The following OTOGL variants were observed in gnomAD, a reference collection of about 807,000 sequenced individuals.
OTOGL encodes the protein otogelin like, also known as otogelin-like protein.
A neutral mutation model predicts 318.5 loss-of-function variants in OTOGL; 285 were observed. That is an observed-to-expected ratio of 0.89 (90% CI 0.81 to 0.99). The LOEUF (loss-of-function observed/expected upper bound fraction) is 0.99, where lower values mean the gene tolerates loss of function less well. Among genes scored for constraint, OTOGL ranks in the 50% least tolerant of loss-of-function variants. OTOGL has a pLI of 0.00. For synonymous variants in OTOGL, 987 were observed against 936.5 expected, an observed-to-expected ratio of 1.05 and a Z score of -0.99; for missense variants, 2,899 against 2,845.6, an observed-to-expected ratio of 1.02 and a Z score of -0.43.
intron 30 of OTOGL, among the ~76,000 whole-genome samples, chr12:80,311,708 A>T (rs551105072): frequency 6.6e-6 from 1 of 152,202 alleles, no homozygotes; most frequent in Non-Finnish European, 1.5e-5. Context: ...CGCCCGGCAG[A>T]TATTTTATTA....
At chr12:80,239,669 C>T (rs1025332007) in intron 11 of OTOGL, among the ~76,000 whole-genome samples, 1 of 152,034 alleles carries the variant, frequency 6.6e-6, no homozygotes, top group South Asian at 2.1e-4. Context: ...TAATTTAATA[C>T]ATTCGTGTAA....
chr12:80,236,960 G>A (rs986519384), intron 9 of OTOGL, among the ~76,000 whole-genome samples: 3 of 151,556 alleles, frequency 2.0e-5, no homozygotes, highest in Admixed American at 6.6e-5. Context: ...GATTACAGGC[G>A]TGCACCACCA....
At chr12:80,101,668 G>A (rs1184651896) in intron 1 of OTOGL, among the ~76,000 whole-genome samples, 2 of 151,946 alleles carry the variant, frequency 1.3e-5, no homozygotes, top group African/African-American at 4.8e-5. Flanking sequence ...CACAGTAAGT[G>A]TAAAAGCAGT....
chr12:80,162,611 G>A (rs886300535), intron 1 of OTOGL, among the ~76,000 whole-genome samples: 21 of 152,036 alleles, frequency 1.4e-4, no homozygotes, highest in African/African-American at 4.8e-4. Context: ...TGCTTGGCTT[G>A]TAGATGGCCG....
intron 47 of OTOGL, chr12:80,356,205 G>A (rs1889888785): frequency 3.3e-6 from 2 of 609,142 alleles, no homozygotes; most frequent in Non-Finnish European, 2.9e-6. Flanking sequence ...AAGGGTGAAA[G>A]ACAATAATAG....
chr12:80,371,888 C>T (rs1890894040), intron 56 of OTOGL, 131 bp from the exon 57 acceptor site: 3 of 427,318 alleles, frequency 7.0e-6, no homozygotes, highest in African/African-American at 2.3e-5. Flanking sequence ...TAGTTAAATT[C>T]CAACTATTTT....
intron 9 of OTOGL, among the ~76,000 whole-genome samples, chr12:80,233,672 G>A (rs943260470): frequency 6.6e-6 from 1 of 152,116 alleles, no homozygotes; most frequent in African/African-American, 2.4e-5. Flanking sequence ...TAAGAAATAG[G>A]TTTTGTATCA....
chr12:80,285,732 G>A (rs1406679747), intron 26 of OTOGL, among the ~76,000 whole-genome samples: 6 of 152,162 alleles, frequency 3.9e-5, no homozygotes, highest in Non-Finnish European at 8.8e-5. Context: ...TGCATCCTGA[G>A]ACTTTGCTGA....
chr12:80,166,742 A>G (rs1314838078), intron 1 of OTOGL, among the ~76,000 whole-genome samples: 1 of 152,194 alleles, frequency 6.6e-6, no homozygotes, highest in Non-Finnish European at 1.5e-5. Flanking sequence ...GTTCATATAT[A>G]ATAGCAGATA....
intron 1 of OTOGL, chr12:80,208,256 A>T (rs376656203): frequency 4.5e-5 from 23 of 514,356 alleles, no homozygotes; most frequent in South Asian, 2.0e-4. Context: ...TTGGATTTGG[A>T]ACACAAACAG....
chr12:80,182,782 G>A (rs968872277), intron 1 of OTOGL, among the ~76,000 whole-genome samples: 4 of 152,202 alleles, frequency 2.6e-5, no homozygotes, highest in Non-Finnish European at 5.9e-5. Context: ...GAAGCATAGG[G>A]AGTACACATC....
chr12:80,273,859 AT>A (rs1883595531), intron 24 of OTOGL, among the ~76,000 whole-genome samples: 1 of 151,972 alleles, frequency 6.6e-6, no homozygotes, highest in South Asian at 2.1e-4. Flanking sequence ...GAACTTTTTC[AT>A]TATCATTATA....
chr12:80,278,301 A>G, intron 25 of OTOGL, 26 bp downstream of exon 25: 1 of 1,433,586 alleles, frequency 7.0e-7, no homozygotes. Context: ...TATTTCACAA[A>G]TATTTTCCTA....
At chr12:80,261,655 C>T (rs1196220579) in intron 18 of OTOGL, among the ~76,000 whole-genome samples, 1 of 152,014 alleles carries the variant, frequency 6.6e-6, no homozygotes, top group African/African-American at 2.4e-5. Flanking sequence ...TGATACTTAG[C>T]AGCTTAGTGT....
In OTOGL at chr12:80,232,979, G is replaced by A. The variant is rs750299543; in HGVS notation, c.699G>A (p.Leu233=). The change falls in exon 9 of 59, where the codon TTG becomes TTA. Residue 233 remains leucine, a synonymous_variant. Coordinates refer to ENST00000547103, the MANE Select transcript of OTOGL (RefSeq NM_001378609.3). ...TGAAAACAACCTTTGGCTTTTCATTGGCTTGGGACGGGATATCTGGGATCT... is the reference window on the plus strand; with the variant it reads ...TGAAAACAACCTTTGGCTTTTCATTAGCTTGGGACGGGATATCTGGGATCT... The part of the protein sequence containing the change: ...ILVKTTFGFS[L]AWDGISGIYL... The A allele has an allele frequency of 1.3e-6, 2 of 1,598,800 alleles. No individual in the cohort carries two copies. Among genetic ancestry groups the A allele is most frequent in the Non-Finnish European group, 1.7e-6 (2 of 1,179,206 alleles).
intron 20 of OTOGL, 38 bp from the exon 21 acceptor site, chr12:80,266,413 A>T (rs759425336): frequency 6.2e-7 from 1 of 1,605,866 alleles, no homozygotes; most frequent in African/African-American, 1.3e-5. Flanking sequence ...TCTATGTGCC[A>T]TGGCAATCTT....
At chr12:80,185,824 T>C (rs1426334577) in intron 1 of OTOGL, among the ~76,000 whole-genome samples, 4 of 152,194 alleles carry the variant, frequency 2.6e-5, no homozygotes, top group Non-Finnish European at 4.4e-5. Context: ...TATAGAAAAA[T>C]GTAATTATCA....
At chr12:80,161,628 G>C (rs1343250090) in intron 1 of OTOGL, among the ~76,000 whole-genome samples, 1 of 151,976 alleles carries the variant, frequency 6.6e-6, no homozygotes, top group Non-Finnish European at 1.5e-5. Flanking sequence ...GAAGGGAAGG[G>C]TATCTTAGAT....
At chr12:80,303,978 T>G (rs1313863516) in intron 28 of OTOGL, among the ~76,000 whole-genome samples, 1 of 152,244 alleles carries the variant, frequency 6.6e-6, no homozygotes, top group African/African-American at 2.4e-5. Context: ...GCTTCTTTAT[T>G]GTCAACCCCT....
Sources: gnomAD v4.1 joint callset for allele counts (sites outside exome capture counted in the v4.1 genomes callset) on GRCh38, gnomAD v4.1.1 for gene constraint, MANE v1.5 for transcripts, NCBI Gene and HGNC (gene_info 2026-07-23, HGNC 2026-07-21) for gene names.